SMARCAD1: variants seen among roughly 807,000 people sequenced by gnomAD.
SMARCAD1 encodes the protein SWI/SNF-related matrix-associated actin-dependent regulator of chromatin subfamily A containing DEAD/H box 1.
SMARCAD1 carries 25 observed loss-of-function variants against 127.1 expected under a neutral mutation model. That is an observed-to-expected ratio of 0.20 (90% CI 0.14 to 0.27). The LOEUF (loss-of-function observed/expected upper bound fraction) is 0.27, where lower values mean the gene tolerates loss of function less well. SMARCAD1 is among the 10% of genes least tolerant of loss of function. The pLI is 1.00. For synonymous variants in SMARCAD1, 400 were observed against 396.9 expected, an observed-to-expected ratio of 1.01 and a Z score of -0.09; for missense variants, 807 against 1,206.0, an observed-to-expected ratio of 0.67 and a Z score of 4.90.
intron 3 of SMARCAD1, among the ~76,000 whole-genome samples, chr4:94,231,339 G>A (rs1344662035): frequency 2.0e-5 from 3 of 152,176 alleles, no homozygotes; most frequent in Non-Finnish European, 2.9e-5. Flanking sequence ...TCTTGTAGAT[G>A]TAGAAAGGGC....
rs1269923047 is a variant in SMARCAD1 at position 94,274,632 on chromosome 4, T to C, written c.1673-106T>C. ...TTGCTGGGCCAGTATTTACTTTTTA[T>C]AAAAGACTGATTTCTGAGTAGCACT... On this transcript the variant is annotated intron_variant, in intron 12 of 23. Transcript: ENST00000354268. 9 of 1,112,036 alleles carry C rather than the reference T, an allele frequency of 8.1e-6. No individual in the cohort carries two copies. In the Admixed American group the frequency reaches 1.0e-4, roughly 13 times the overall value. 68.9% of individuals were successfully genotyped at this position (1,112,036 alleles called of 1,614,324 possible).
At chr4:94,279,736 ACTT>A (rs1231658041) in intron 19 of SMARCAD1, among the ~76,000 whole-genome samples, 6 of 151,886 alleles carry the variant, frequency 4.0e-5, no homozygotes, top group Non-Finnish European at 8.8e-5. Flanking sequence ...TCCATAATGC[ACTT>A]CTTTTTCATT....
chr4:94,208,650 G>A, intron 2 of SMARCAD1, 66 bp downstream of exon 2: 1 of 1,444,032 alleles, frequency 6.9e-7, no homozygotes, highest in Non-Finnish European at 9.7e-7. Flanking sequence ...AGGCAGAAGG[G>A]ATTCTCATTT....
Position 94,290,831 on chromosome 4 carries a change from A to AT in SMARCAD1, c.*1302dup. ...TTATTTATAAATCAAAGATTTGTTA[A>AT]TTTTTGGAAATCATGCTTTTCAAAG... is the stretch of plus-strand genomic sequence containing the variant. On this transcript the variant is annotated 3_prime_UTR_variant, in exon 24 of 24. Transcript: ENST00000354268. 1 of 437,262 alleles carries AT rather than the reference A, an allele frequency of 2.3e-6. No individual in the cohort carries two copies. Among genetic ancestry groups the AT allele is most frequent in the East Asian group, 7.1e-5 (1 of 14,106 alleles). The allele number at this position is 437,262 out of a possible 1,614,324, so 27.1% of individuals were successfully genotyped here.
chr4:94,219,922 AGCATATGTCAG>A, intron 2 of SMARCAD1, among the ~76,000 whole-genome samples: 1 of 152,340 alleles, frequency 6.6e-6, no homozygotes, highest in South Asian at 2.1e-4. Flanking sequence ...GACAATATTC[AGCATATGTCAG>A]AATTGAATAG....
chr4:94,283,798 C>G (rs1754454662), intron 22 of SMARCAD1, among the ~76,000 whole-genome samples: 1 of 151,916 alleles, frequency 6.6e-6, no homozygotes, highest in South Asian at 2.1e-4. Context: ...TGCACTCCAG[C>G]CTGGGCGACA....
chr4:94,274,886 C>T lies in SMARCAD1; in HGVS notation c.1733-4C>T, dbSNP rs1418392203. ...GTCATGTGTTTATTGTTTTTAAATTCTAGGTTCTCAAGAAGAACGTAAACA... is the reference window on the plus strand; with the variant it reads ...GTCATGTGTTTATTGTTTTTAAATTTTAGGTTCTCAAGAAGAACGTAAACA... On this transcript the variant is annotated splice_region_variant and splice_polypyrimidine_tract_variant and intron_variant, in intron 13 of 23. Transcript: ENST00000354268. 2.5e-6 allele frequency: 4 copies of T among 1,602,540 alleles called. No individual in the cohort carries two copies. Among genetic ancestry groups the T allele is most frequent in the South Asian group, 1.1e-5 (1 of 90,792 alleles).
intron 6 of SMARCAD1, among the ~76,000 whole-genome samples, chr4:94,244,356 T>C (rs1748076395): frequency 6.6e-6 from 1 of 152,198 alleles, no homozygotes; most frequent in Admixed American, 6.5e-5. Flanking sequence ...TAACTATTAG[T>C]GTAGATATGA....
intron 9 of SMARCAD1, chr4:94,253,423 A>G (rs1364201130): frequency 1.6e-6 from 2 of 1,233,940 alleles, no homozygotes; most frequent in Non-Finnish European, 2.1e-6. Flanking sequence ...AGCAATAGCA[A>G]CGGCCAGGGG....
At chr4:94,276,592 G>A in intron 15 of SMARCAD1, 118 bp downstream of exon 15, 7 of 1,293,758 alleles carry the variant, frequency 5.4e-6, no homozygotes, top group Non-Finnish European at 7.4e-6. Flanking sequence ...GTAGTATTCT[G>A]TGTTAGCAAG....
chr4:94,274,719 T>C lies in SMARCAD1; in HGVS notation c.1673-19T>C, dbSNP rs1328971189. 1.2e-6 allele frequency: 2 copies of C among 1,610,556 alleles called. No homozygotes were observed. Among genetic ancestry groups the C allele is most frequent in the South Asian group, 1.1e-5 (1 of 91,014 alleles). On this transcript the variant is annotated intron_variant, in intron 12 of 23. Transcript: ENST00000354268. ...ACCCTATTGTAGCAGATGCAAATAATGTCTCTTCTGTTCCATAGATAACTG... is the reference window on the plus strand; with the variant it reads ...ACCCTATTGTAGCAGATGCAAATAACGTCTCTTCTGTTCCATAGATAACTG...
At chr4:94,247,005 T>G (rs989632660) in intron 6 of SMARCAD1, among the ~76,000 whole-genome samples, 1 of 152,238 alleles carries the variant, frequency 6.6e-6, no homozygotes, top group African/African-American at 2.4e-5. Flanking sequence ...TATGATACTC[T>G]TAAATACTTG....
chr4:94,270,652 T>G, intron 10 of SMARCAD1, 76 bp from the exon 11 acceptor site: 1 of 1,292,422 alleles, frequency 7.7e-7, no homozygotes, highest in Non-Finnish European at 1.1e-6. Context: ...TTTTAGTTTT[T>G]ATGTGCATTG....
chr4:94,237,476 A>AT (rs1350972362), intron 5 of SMARCAD1, among the ~76,000 whole-genome samples: 2 of 145,454 alleles, frequency 1.4e-5, no homozygotes, highest in Non-Finnish European at 3.0e-5. Flanking sequence ...TGCTGACTCG[A>AT]TTTTTTTTAA....
At chr4:94,257,656 A>G (rs748055580) in intron 9 of SMARCAD1, among the ~76,000 whole-genome samples, 3 of 152,144 alleles carry the variant, frequency 2.0e-5, no homozygotes, top group Non-Finnish European at 4.4e-5. Context: ...AGATTAACAA[A>G]TAATTCTATA....
intron 5 of SMARCAD1, among the ~76,000 whole-genome samples, chr4:94,238,908 G>A (rs1350576913): frequency 2.2e-5 from 3 of 133,688 alleles, no homozygotes; most frequent in Non-Finnish European, 4.8e-5. Context: ...TGTGGCTTAG[G>A]TACTGAGGTT....
Position 94,245,246 on chromosome 4 carries a change from T to A in SMARCAD1, c.705+4240T>A, listed in dbSNP as rs888827903. Among the ~76,000 whole-genome samples the A allele has an allele frequency of 2.0e-5, 3 of 152,346 alleles. No individual in the cohort carries two copies. In the East Asian group the frequency reaches 5.8e-4, roughly 29 times the overall value. On this transcript the variant is annotated intron_variant, in intron 6 of 23. Coordinates refer to ENST00000354268, the MANE Select transcript of SMARCAD1 (RefSeq NM_020159.5). ...CCTGATGATCTAACCACAGAAAACATTCAGCAACTTGCTGCTTATGGCTGT... is the reference window on the plus strand; with the variant it reads ...CCTGATGATCTAACCACAGAAAACAATCAGCAACTTGCTGCTTATGGCTGT...
intron 2 of SMARCAD1, among the ~76,000 whole-genome samples, chr4:94,216,289 C>A (rs917569854): frequency 2.6e-5 from 4 of 152,058 alleles, no homozygotes; most frequent in African/African-American, 9.7e-5. Context: ...GGGAGTGGGG[C>A]ACAAACAGAC....
At chr4:94,223,149 T>TA (rs1020804611) in intron 2 of SMARCAD1, among the ~76,000 whole-genome samples, 1 of 152,118 alleles carries the variant, frequency 6.6e-6, no homozygotes, top group Non-Finnish European at 1.5e-5. Context: ...CTTCATTTTT[T>TA]ATCTGCAGTC....
Sources: allele counts gnomAD v4.1 joint callset (sites outside exome capture counted in the v4.1 genomes callset), GRCh38; gene constraint gnomAD v4.1.1; transcripts MANE v1.5; gene names NCBI Gene and HGNC (gene_info 2026-07-23, HGNC 2026-07-21).